The following LRCH2 variants were observed in gnomAD, a reference collection of about 807,000 sequenced individuals.
The protein encoded by LRCH2 is leucine rich repeats and calponin homology domain containing 2.
Under a neutral mutation model 68.9 loss-of-function variants are expected in LRCH2, and 38 were observed. The ratio of observed to expected loss-of-function variants is 0.55; its 90% confidence interval spans 0.43 to 0.72. The LOEUF (loss-of-function observed/expected upper bound fraction) is 0.72. Ranked by LOEUF, LRCH2 falls within the 30% of genes least tolerant of loss-of-function variation. The probability of loss-of-function intolerance (pLI) is 0.00; values close to 1 mark genes in which losing one functional copy is unlikely to be tolerated. For missense variants in LRCH2, 528 were observed against 572.9 expected (o/e 0.92, Z 0.80); for synonymous variants, 191 against 208.1 (o/e 0.92, Z 0.71).
At chrX:115,158,992 T>A (rs781873094) in intron 11 of LRCH2, among the ~76,000 whole-genome samples, 1 of 111,674 alleles carries the variant, frequency 9.0e-6, no homozygotes, top group East Asian at 2.8e-4. Flanking sequence ...CATATCAACT[T>A]TTTTGTTTTT....
At position 115,118,555 on chromosome X, in the gene LRCH2, C is replaced by T. The variant is rs1556524832; in HGVS notation, c.2178+3972G>A. On this transcript the variant is annotated intron_variant, in intron 20 of 20. Coordinates refer to ENST00000317135, the MANE Select transcript of LRCH2 (RefSeq NM_020871.4). ...CTTACCAACCAAAAAGAGTCCAGGACCAGATGGATTCACAGCTGAATTCTA... is the reference window on the plus strand; with the variant it reads ...CTTACCAACCAAAAAGAGTCCAGGATCAGATGGATTCACAGCTGAATTCTA... Among the ~76,000 whole-genome samples the T allele has an allele frequency of 6.4e-5, 7 of 109,484 alleles. No individual in the cohort carries two copies. The South Asian group carries it at 2.8e-3, about 43-fold the overall frequency.
chrX:115,229,711 G>A (rs781840157), intron 1 of LRCH2, among the ~76,000 whole-genome samples: 1 of 111,660 alleles, frequency 9.0e-6, no homozygotes, highest in East Asian at 2.8e-4. Flanking sequence ...ATTTGAATAA[G>A]GCCACAAAAT....
rs1556544388 is a variant in LRCH2, at chrX:115,165,625, T to A, written c.1229A>T (p.Asn410Ile). The change falls in exon 9 of 21, where the codon AAC becomes ATC. Residue 410 changes from asparagine to isoleucine, a missense_variant. Physicochemically the swap from Asn to Ile is moderately radical, Grantham distance 149. Coordinates refer to ENST00000317135, the MANE Select transcript of LRCH2 (RefSeq NM_020871.4). The stretch of plus-strand genomic sequence containing the variant: ...TTCAGGAACTGCTACATCTTCTGTG[T>A]TGGGGTCAACAAAATCATATACCTC... The part of the protein sequence containing the change: ...DQEVYDFVDP[N>I]TEDVAVPEQG... 1.7e-6 allele frequency: 2 copies of A among 1,166,385 alleles called. No individual in the cohort carries two copies. Among genetic ancestry groups the A allele is most frequent in the Non-Finnish European group, 2.3e-6 (2 of 869,838 alleles).
intron 1 of LRCH2, among the ~76,000 whole-genome samples, chrX:115,201,369 C>T (rs2072928706): frequency 9.0e-6 from 1 of 111,705 alleles, no homozygotes; most frequent in African/African-American, 3.3e-5. Context: ...TGAATATATG[C>T]AAATTAATAA....
intron 1 of LRCH2, chrX:115,192,423 C>T: frequency 8.6e-7 from 1 of 1,166,602 alleles, no homozygotes; most frequent in Non-Finnish European, 1.1e-6. Context: ...CTGACGCCTA[C>T]AGCGGCGACC....
At chrX:115,190,472 G>A (rs781818286) in intron 1 of LRCH2, 55 of 1,166,215 alleles carry the variant, frequency 4.7e-5, no homozygotes, top group Non-Finnish European at 6.0e-5. Context: ...AGTGAAGGCC[G>A]CTCGTCCGAG....
In LRCH2 at chrX:115,185,658, G is replaced by A. The variant is rs146328807; in HGVS notation, c.495-1121C>T. On this transcript the variant is annotated intron_variant, in intron 2 of 20. Coordinates refer to ENST00000317135, the MANE Select transcript of LRCH2 (RefSeq NM_020871.4). ...AGACCCTCCTCCCCATCTTTTCTCT[G>A]GCAAAGGACATCCAGAAATACTAGA... Among the ~76,000 whole-genome samples the A allele has an allele frequency of 4.6e-3, 514 of 111,487 alleles. 2 individuals are homozygous for A. The highest frequency in any genetic ancestry group is 0.016 in the African/African-American group (492 of 30,659).
intron 1 of LRCH2, among the ~76,000 whole-genome samples, chrX:115,221,472 G>A (rs1290098043): frequency 9.2e-6 from 1 of 109,241 alleles, no homozygotes; most frequent in Non-Finnish European, 1.9e-5. Flanking sequence ...GACAAATTGT[G>A]CAGGGACTCA....
chrX:115,127,872 A>G (rs2072212239), intron 15 of LRCH2, among the ~76,000 whole-genome samples: 1 of 111,622 alleles, frequency 9.0e-6, no homozygotes, highest in Non-Finnish European at 1.9e-5. Flanking sequence ...AAAGAAGAGC[A>G]AGTTGTGAAT....
At chrX:115,174,598 C>CA (rs1569514718) in intron 5 of LRCH2, among the ~76,000 whole-genome samples, 10 of 98,062 alleles carry the variant, frequency 1.0e-4, no homozygotes, top group African/African-American at 2.8e-4. Context: ...CACACCCCCC[C>CA]CCCCACACAC....
intron 14 of LRCH2, among the ~76,000 whole-genome samples, chrX:115,147,995 A>G (rs1358584423): frequency 9.0e-6 from 1 of 111,468 alleles, no homozygotes; most frequent in Non-Finnish European, 1.9e-5. Flanking sequence ...GCCTGAGCCC[A>G]GGCATTTGAG....
At chrX:115,231,156 T>C (rs1199066387) in intron 1 of LRCH2, among the ~76,000 whole-genome samples, 2 of 111,824 alleles carry the variant, frequency 1.8e-5, no homozygotes, top group Non-Finnish European at 3.8e-5. Flanking sequence ...TATTTTCCCT[T>C]CCTCTTGTCT....
intron 1 of LRCH2, 35 bp downstream of exon 1, chrX:115,233,658 T>C: frequency 9.0e-7 from 1 of 1,109,069 alleles, no homozygotes; most frequent in East Asian, 3.3e-5. Flanking sequence ...CACCTCCTCC[T>C]TCACAGCCAG....
chrX:115,140,266 G>C (rs908113124), intron 14 of LRCH2, among the ~76,000 whole-genome samples: 13 of 111,248 alleles, frequency 1.2e-4, no homozygotes, highest in African/African-American at 3.9e-4. Flanking sequence ...TGGGCAAAAA[G>C]GGAACCCACT....
intron 14 of LRCH2, among the ~76,000 whole-genome samples, chrX:115,140,087 GAA>G (rs2072323572): frequency 1.8e-5 from 2 of 111,234 alleles, no homozygotes; most frequent in Non-Finnish European, 3.8e-5. Context: ...GCAGCAATGA[GAA>G]AGAGACCCCT....
chrX:115,217,133 T>C (rs1292080507), intron 1 of LRCH2, among the ~76,000 whole-genome samples: 3 of 111,649 alleles, frequency 2.7e-5, no homozygotes, highest in Non-Finnish European at 3.8e-5. Context: ...ATGGGTATAA[T>C]GTACGCTATT....
intron 14 of LRCH2, among the ~76,000 whole-genome samples, chrX:115,140,095 C>A (rs1347020545): frequency 9.0e-6 from 1 of 111,136 alleles, no homozygotes; most frequent in Non-Finnish European, 1.9e-5. Context: ...GAGAAAGAGA[C>A]CCCTTCCTTT....
At chrX:115,211,381 G>GA (rs781859817) in intron 1 of LRCH2, among the ~76,000 whole-genome samples, 3 of 111,638 alleles carry the variant, frequency 2.7e-5, no homozygotes, top group Non-Finnish European at 5.6e-5. Flanking sequence ...GCCACCATGT[G>GA]ACAAGTGCCT....
chrX:115,197,539 CCCAGGTGTTTAGGA>C, intron 1 of LRCH2, among the ~76,000 whole-genome samples: 1 of 110,701 alleles, frequency 9.0e-6, no homozygotes, highest in Middle Eastern at 4.7e-3. Flanking sequence ...ACTGCTTGAG[CCCAGGTGTTTAGGA>C]CCAGCTTGGG....
Sources: allele counts gnomAD v4.1 joint callset (sites outside exome capture counted in the v4.1 genomes callset), GRCh38; gene constraint gnomAD v4.1.1; transcripts MANE v1.5; gene names NCBI Gene and HGNC (gene_info 2026-07-23, HGNC 2026-07-21).